Variants in GABRQ observed in about 807,000 individuals in gnomAD.
The protein encoded by GABRQ is gamma-aminobutyric acid receptor subunit theta.
GABRQ carries 19 observed loss-of-function variants against 30.5 expected under a neutral mutation model. That is an observed-to-expected ratio of 0.62 (90% CI 0.43 to 0.91). GABRQ has a LOEUF of 0.91. Among genes scored for constraint, GABRQ ranks in the 40% least tolerant of loss-of-function variants. The pLI is 0.00. For missense variants in GABRQ, 520 were observed against 521.4 expected, an observed-to-expected ratio of 1.00 and a Z score of 0.03; for synonymous variants, 187 against 210.2, an observed-to-expected ratio of 0.89 and a Z score of 0.95.
At chrX:152,648,808 C>A (rs1167005914) in intron 4 of GABRQ, among the ~76,000 whole-genome samples, 1 of 112,399 alleles carries the variant, frequency 8.9e-6, no homozygotes, top group African/African-American at 3.2e-5. Flanking sequence ...TCCCCAATAC[C>A]CACATAGGCC....
At chrX:152,639,051 T>C (rs1930683807) in intron 1 of GABRQ, among the ~76,000 whole-genome samples, 1 of 111,061 alleles carries the variant, frequency 9.0e-6, no homozygotes. Context: ...CTGAAGCCTT[T>C]ACATGTAAAT....
Position 152,649,449 on chromosome X carries a change from C to A in GABRQ, c.610+116C>A, listed in dbSNP as rs4478723. 6 of 510,232 alleles carry A rather than the reference C, an allele frequency of 1.2e-5. No individual in the cohort carries two copies. The African/African-American group carries it at 1.4e-4, about 12-fold the overall frequency. 42.0% of individuals were successfully genotyped at this position (510,232 alleles called of 1,213,427 possible). ...TATCTCCTGTGCTCCCTCCCTCCCC[C>A]CATTCTCTCTCCCAAAATAAATAGA... On this transcript the variant is annotated intron_variant, in intron 5 of 8. Coordinates refer to ENST00000598523, the MANE Select transcript of GABRQ (RefSeq NM_018558.4).
At chrX:152,644,251 C>T (rs1369604961) in intron 2 of GABRQ, among the ~76,000 whole-genome samples, 3 of 111,952 alleles carry the variant, frequency 2.7e-5, no homozygotes, top group African/African-American at 9.8e-5. Context: ...CATCCTCACA[C>T]ACAAACACAT....
In GABRQ at chrX:152,654,759, G is replaced by T. The variant is rs1039372240; in HGVS notation, c.*1478G>T. 4 of 112,182 alleles carry T rather than the reference G, an allele frequency of 3.6e-5. No individual in the cohort carries two copies. Among genetic ancestry groups the T allele is most frequent in the African/African-American group, 1.3e-4 (4 of 30,803 alleles). 9.2% of individuals were successfully genotyped at this position (112,182 alleles called of 1,213,427 possible). A position where few individuals can be genotyped will look rare whatever the true frequency, so the allele number is the denominator to read the frequency against. On this transcript the variant is annotated 3_prime_UTR_variant, in exon 9 of 9. Coordinates refer to ENST00000598523, the MANE Select transcript of GABRQ (RefSeq NM_018558.4). ...GTTGTGAGGGAGTGAACTTTGCCGA[G>T]CACTCAACATATGCCACCTCTTCCT... is the stretch of plus-strand genomic sequence containing the variant.
Position 152,656,333 on chromosome X carries a change from G to A in GABRQ, c.*3052G>A, listed in dbSNP as rs1432846126. ...AGTGCAGAATGCTTGGTAGTTTGGA[G>A]CTTGGGCAGCATCTGGGATGCAACA... On this transcript the variant is annotated 3_prime_UTR_variant, in exon 9 of 9. Transcript: ENST00000598523. 1 of 111,171 alleles carries A rather than the reference G, an allele frequency of 9.0e-6. No homozygotes were observed. Among genetic ancestry groups the A allele is most frequent in the Non-Finnish European group, 1.9e-5 (1 of 52,980 alleles). The allele number at this position is 111,171 out of a possible 1,213,427, so 9.2% of individuals were successfully genotyped here. A position where few individuals can be genotyped will look rare whatever the true frequency, so the allele number is the denominator to read the frequency against.
chrX:152,648,035 C>T (rs781925567), intron 4 of GABRQ, among the ~76,000 whole-genome samples: 21 of 112,214 alleles, frequency 1.9e-4, no homozygotes, highest in Non-Finnish European at 3.9e-4. Flanking sequence ...TCACAGGGAA[C>T]AGGTCACTGG....
At chrX:152,646,868 TAC>T in intron 3 of GABRQ, 78 bp from the exon 4 acceptor site, 5 of 622,725 alleles carry the variant, frequency 8.0e-6, no homozygotes, top group South Asian at 2.5e-5. Flanking sequence ...CATGCACACA[TAC>T]ACACACACCC....
chrX:152,646,800 ATGT>A (rs1930897166), intron 3 of GABRQ, 145 bp from the exon 4 acceptor site: 1 of 449,634 alleles, frequency 2.2e-6, no homozygotes, highest in African/African-American at 2.4e-5. Flanking sequence ...AAACCTCCGT[ATGT>A]TTCACGCACT....
At position 152,640,794 on chromosome X, in the gene GABRQ, G is replaced by A. The variant is rs146471724; in HGVS notation, c.238+328G>A. ...GGCGCGCTGTGTTCCTCAGGCTAGA[G>A]TTTTCTGCTCCAGCTCCTGGGAGGA... On this transcript the variant is annotated intron_variant, in intron 2 of 8. Coordinates refer to ENST00000598523, the MANE Select transcript of GABRQ (RefSeq NM_018558.4). Among the ~76,000 whole-genome samples, 755 of 111,841 alleles carry A rather than the reference G, an allele frequency of 6.8e-3. 3 individuals are homozygous for A. The highest frequency in any genetic ancestry group is 0.031 in the South Asian group (81 of 2,616).
At chrX:152,647,312 A>G in intron 4 of GABRQ, 144 bp downstream of exon 4, 3 of 463,648 alleles carry the variant, frequency 6.5e-6, no homozygotes, top group Non-Finnish European at 1.1e-5. Flanking sequence ...CGTTCTACCC[A>G]GTAGCCAAAG....
intron 7 of GABRQ, 24 bp downstream of exon 7, chrX:152,650,604 A>C (rs1224347820): frequency 8.6e-7 from 1 of 1,168,850 alleles, no homozygotes; most frequent in African/African-American, 1.8e-5. Context: ...CTGTCCCAGG[A>C]AAGAATTTGG....
rs782755056 is a variant in GABRQ at position 152,649,852 on chromosome X, A to G, written c.721A>G (p.Thr241Ala). 5 of 1,202,254 alleles carry G rather than the reference A, an allele frequency of 4.2e-6. No homozygotes were observed. The highest frequency in any genetic ancestry group is 5.6e-6 in the Non-Finnish European group (5 of 887,623). The stretch of plus-strand genomic sequence containing the variant: ...GTTCACTTTCCTGGGAAGGACGATT[A>G]CTAGCAAGGAGGTGTATTTCTACAC... ...PQFTFLGRTI[T>A]SKEVYFYTGS... is the part of the protein sequence containing the mutation. Residue 241 changes from threonine to alanine, a missense_variant, in exon 6 of 9, where the codon ACT (threonine) becomes GCT (alanine). Coordinates refer to ENST00000598523, the MANE Select transcript of GABRQ (RefSeq NM_018558.4).
rs192083423 is a variant in GABRQ, at chrX:152,647,016, C to A, written c.375C>A (p.Thr125=). 5.0e-6 allele frequency: 6 copies of A among 1,204,762 alleles called. No homozygotes were observed. Among genetic ancestry groups the A allele is most frequent in the Admixed American group, 4.4e-5 (2 of 45,802 alleles). ...CACGCTTAGCATACTATGAGACCAC[C>A]CTGAACTTGACCCTGGACTATCGGA... is the stretch of plus-strand genomic sequence containing the variant. The part of the protein sequence containing the change: ...KDSRLAYYET[T]LNLTLDYRMH... The change falls in exon 4 of 9, where the codon ACC becomes ACA. Residue 125 remains threonine, a synonymous_variant. Transcript: ENST00000598523.
chrX:152,650,398 C>T (rs373222100), intron 6 of GABRQ, 30 bp from the exon 7 acceptor site: 106 of 1,188,115 alleles, frequency 8.9e-5, no homozygotes, highest in Non-Finnish European at 1.1e-4. Context: ...TCAGCCCTGC[C>T]ACCCTAATTC....
chrX:152,646,962 G>C lies in GABRQ; in HGVS notation c.321G>C (p.Thr107=), dbSNP rs1186307732. 2 of 1,201,820 alleles carry C rather than the reference G, an allele frequency of 1.7e-6. No individual in the cohort carries two copies. Among genetic ancestry groups the C allele is most frequent in the Non-Finnish European group, 2.3e-6 (2 of 886,588 alleles). ...ISEMNMDYTI[T]MFFHQTWKDS... ...TGTCTTCCCAGGACTACACGATCAC[G>C]ATGTTTTTTCATCAGACTTGGAAAG... The change falls in exon 4 of 9, where the codon ACG becomes ACC. Residue 107 remains threonine, a synonymous_variant. Transcript: ENST00000598523.
chrX:152,651,898 G>A (rs183803828), intron 8 of GABRQ, 116 bp downstream of exon 8: 707 of 636,910 alleles, frequency 1.1e-3, no homozygotes, highest in Admixed American at 1.3e-3. Context: ...ACACATGCGC[G>A]CACACGCAAA....
In GABRQ at chrX:152,650,498, C is replaced by T. The variant is rs1556819990; in HGVS notation, c.819C>T (p.Tyr273=). ...TTAACAGCTACCTTGTGCAAGTCTA[C>T]TGGCCTACTGTCCTCACCACTATTA... The part of the protein sequence containing the change: ...REVNSYLVQV[Y]WPTVLTTITS... The change falls in exon 7 of 9, where the codon TAC becomes TAT. Residue 273 remains tyrosine, a synonymous_variant. Transcript: ENST00000598523. 2.5e-6 allele frequency: 3 copies of T among 1,196,648 alleles called. No homozygotes were observed.
chrX:152,652,198 C>A (rs1235582847), intron 8 of GABRQ, among the ~76,000 whole-genome samples: 1 of 112,956 alleles, frequency 8.9e-6, no homozygotes, highest in Non-Finnish European at 1.9e-5. Context: ...TTGCTGTGGG[C>A]AGTATGTTAA....
chrX:152,639,278 A>AG (rs36127418), intron 1 of GABRQ, among the ~76,000 whole-genome samples: 1,706 of 72,723 alleles, frequency 0.023, 27 homozygotes, highest in African/African-American at 0.055. Flanking sequence ...GTACTCATAA[A>AG]GGGGGGGGGG....
Sources: gnomAD v4.1 joint callset for allele counts (sites outside exome capture counted in the v4.1 genomes callset) on GRCh38, gnomAD v4.1.1 for gene constraint, MANE v1.5 for transcripts, NCBI Gene and HGNC (gene_info 2026-07-23, HGNC 2026-07-21) for gene names.